COL24A1: variants seen among roughly 807,000 people sequenced by gnomAD.
COL24A1 encodes the protein collagen type XXIV alpha 1 chain.
In COL24A1, 224 loss-of-function variants were observed where a neutral mutation model predicts 253.9. That is an observed-to-expected ratio of 0.88 (90% CI 0.79 to 0.99). The LOEUF (loss-of-function observed/expected upper bound fraction) is 0.99. Ranked by LOEUF, COL24A1 falls within the 50% of genes least tolerant of loss-of-function variation. The pLI, the probability that COL24A1 is intolerant of heterozygous loss-of-function variation, is 0.00. For missense variants in COL24A1, 2,131 were observed against 2,068.5 expected (o/e 1.03, Z -0.59); for synonymous variants, 685 against 673.7 (o/e 1.02, Z -0.26).
At chr1:86,106,115 A>C (rs1374432058) in intron 5 of COL24A1, among the ~76,000 whole-genome samples, 3 of 152,140 alleles carry the variant, frequency 2.0e-5, no homozygotes, top group African/African-American at 7.2e-5. Flanking sequence ...TTTTTATGGC[A>C]ATCTGACCCA....
chr1:86,139,528 T>G (rs1056191679), intron 2 of COL24A1, among the ~76,000 whole-genome samples: 2 of 152,218 alleles, frequency 1.3e-5, no homozygotes, highest in Admixed American at 1.3e-4. Context: ...TTACATCTCT[T>G]AGTAATTGGT....
At chr1:86,047,120 T>A (rs1177155028) in intron 11 of COL24A1, among the ~76,000 whole-genome samples, 2 of 152,204 alleles carry the variant, frequency 1.3e-5, no homozygotes, top group Non-Finnish European at 2.9e-5. Context: ...ATCTTGACAT[T>A]TCCCTGGTGA....
At chr1:85,755,543 A>T (rs1288235666) in intron 55 of COL24A1, among the ~76,000 whole-genome samples, 1 of 148,166 alleles carries the variant, frequency 6.7e-6, no homozygotes. Context: ...AAAGAATGAA[A>T]TATAATAGAG....
At chr1:85,796,114 T>C (rs1670781825) in intron 47 of COL24A1, among the ~76,000 whole-genome samples, 3 of 152,134 alleles carry the variant, frequency 2.0e-5, no homozygotes, top group Non-Finnish European at 4.4e-5. Context: ...ATACTAAAGT[T>C]AGGAGGTAAT....
At chr1:85,740,701 G>A (rs1664515389) in intron 57 of COL24A1, among the ~76,000 whole-genome samples, 1 of 151,758 alleles carries the variant, frequency 6.6e-6, no homozygotes, top group Non-Finnish European at 1.5e-5. Flanking sequence ...AAAAATGTTG[G>A]CCTGAAGTGA....
intron 55 of COL24A1, among the ~76,000 whole-genome samples, chr1:85,747,104 T>TC (rs1665306118): frequency 7.3e-6 from 1 of 137,464 alleles, no homozygotes. Flanking sequence ...ATTATAACTT[T>TC]TTTTTTTTTT....
intron 5 of COL24A1, among the ~76,000 whole-genome samples, chr1:86,096,837 T>C (rs1703924537): frequency 1.3e-5 from 2 of 152,204 alleles, no homozygotes; most frequent in Admixed American, 6.5e-5. Context: ...ATAATTGTCT[T>C]AGTCAATTCA....
At chr1:85,923,493 A>G (rs1250515673) in intron 24 of COL24A1, among the ~76,000 whole-genome samples, 3 of 152,228 alleles carry the variant, frequency 2.0e-5, no homozygotes, top group Non-Finnish European at 4.4e-5. Context: ...GTGCAATCAA[A>G]TTAGAACTCA....
chr1:85,819,670 G>T (rs1035596996), intron 45 of COL24A1, among the ~76,000 whole-genome samples: 1 of 151,950 alleles, frequency 6.6e-6, no homozygotes, highest in African/African-American at 2.4e-5. Context: ...ATAAAGAACA[G>T]ATTTAAAATA....
chr1:86,047,406 G>A (rs916791921), intron 11 of COL24A1, among the ~76,000 whole-genome samples: 2 of 152,136 alleles, frequency 1.3e-5, no homozygotes, highest in Admixed American at 6.5e-5. Flanking sequence ...AGAAGCAGTA[G>A]GGTACAGTAC....
chr1:86,071,413 T>C (rs1276664324), intron 7 of COL24A1, among the ~76,000 whole-genome samples: 2 of 152,040 alleles, frequency 1.3e-5, no homozygotes, highest in Admixed American at 6.6e-5. Flanking sequence ...AATAATAACA[T>C]TGAATGTAAA....
chr1:86,023,119 T>G, intron 14 of COL24A1, 112 bp from the exon 15 acceptor site: 5 of 813,820 alleles, frequency 6.1e-6, no homozygotes, highest in Non-Finnish European at 9.8e-6. Context: ...ACTAAGCTCC[T>G]ACACGTGCCT....
At chr1:85,884,924 T>A (rs1414764922) in intron 32 of COL24A1, among the ~76,000 whole-genome samples, 2 of 152,020 alleles carry the variant, frequency 1.3e-5, no homozygotes, top group African/African-American at 2.4e-5. Flanking sequence ...TCCCAAAGAC[T>A]GGGCCCTCTC....
chr1:86,066,496 G>A (rs1209327076), intron 7 of COL24A1, among the ~76,000 whole-genome samples: 7 of 151,568 alleles, frequency 4.6e-5, no homozygotes, highest in African/African-American at 7.3e-5. Flanking sequence ...TGCCCGCCTC[G>A]GCCTCCCAAA....
At chr1:85,834,820 G>C (rs145870802) in intron 43 of COL24A1, among the ~76,000 whole-genome samples, 1 of 152,050 alleles carries the variant, frequency 6.6e-6, no homozygotes, top group Non-Finnish European at 1.5e-5. Context: ...GCTCTCAAGC[G>C]TCAAATAAAT....
intron 10 of COL24A1, among the ~76,000 whole-genome samples, chr1:86,050,607 A>C (rs1413459374): frequency 6.6e-6 from 1 of 152,168 alleles, no homozygotes; most frequent in African/African-American, 2.4e-5. Context: ...ACCACTTGAG[A>C]TAGGTCTAGA....
chr1:85,849,443 A>C, intron 37 of COL24A1, 37 bp from the exon 38 acceptor site: 1 of 1,495,196 alleles, frequency 6.7e-7, no homozygotes, highest in Non-Finnish European at 9.3e-7. Flanking sequence ...ATAAATGGTT[A>C]AAGAAAAGAT....
chr1:86,126,655 T>C lies in COL24A1; in HGVS notation c.122-441A>G, dbSNP rs557148288. On this transcript the variant is annotated intron_variant, in intron 2 of 59. Coordinates refer to ENST00000370571, the MANE Select transcript of COL24A1 (RefSeq NM_152890.7). ...ACCTGGCTAATTTTTGTATTTTTCA[T>C]AGAGACAGAGTCTTGCTCTATTGCC... 1.1e-4 allele frequency among the ~76,000 whole-genome samples: 16 copies of C among 152,166 alleles called. No homozygotes were observed. The South Asian group carries it at 2.5e-3, about 24-fold the overall frequency.
intron 19 of COL24A1, among the ~76,000 whole-genome samples, chr1:86,007,989 A>G (rs1469275219): frequency 2.6e-5 from 4 of 152,180 alleles, no homozygotes; most frequent in Non-Finnish European, 5.9e-5. Context: ...TGATGTGTCA[A>G]TGTAGGTTCA....
Sources: allele counts gnomAD v4.1 joint callset (sites outside exome capture counted in the v4.1 genomes callset), GRCh38; gene constraint gnomAD v4.1.1; transcripts MANE v1.5; gene names NCBI Gene and HGNC (gene_info 2026-07-23, HGNC 2026-07-21).